The following CXorf58 variants were observed in gnomAD, a reference collection of about 807,000 sequenced individuals.
CXorf58 encodes the protein chromosome X open reading frame 58, also known as uncharacterized protein CXorf58.
Under a neutral mutation model 26.0 loss-of-function variants are expected in CXorf58, and 24 were observed. The ratio of observed to expected loss-of-function variants is 0.92; its 90% CI spans 0.67 to 1.30. The LOEUF (loss-of-function observed/expected upper bound fraction) is 1.30, where lower values mean the gene tolerates loss of function less well. Among genes scored for constraint, CXorf58 ranks in the 50% most tolerant of loss-of-function variants. The pLI is 0.00. For missense variants in CXorf58, 236 were observed against 263.9 expected (o/e 0.89, Z 0.73); for synonymous variants, 87 against 86.1 (o/e 1.01, Z -0.06).
chrX:23,932,604 G>A (rs774107528), intron 6 of CXorf58, among the ~76,000 whole-genome samples: 2 of 112,440 alleles, frequency 1.8e-5, no homozygotes, highest in East Asian at 5.6e-4. Context: ...CAGATTCACA[G>A]TGACCAGTCA....
chrX:23,939,180 A>T, intron 8 of CXorf58, 64 bp from the exon 9 acceptor site: 1 of 725,484 alleles, frequency 1.4e-6, no homozygotes, highest in Non-Finnish European at 2.1e-6. Flanking sequence ...GTCAAACATT[A>T]AAATATAAAG....
chrX:23,913,640 T>C (rs1160378371), intron 3 of CXorf58, among the ~76,000 whole-genome samples: 1 of 111,416 alleles, frequency 9.0e-6, no homozygotes, highest in Non-Finnish European at 1.9e-5. Flanking sequence ...ACACCTGTAA[T>C]CCCAGCGTGA....
At chrX:23,914,382 A>G (rs928842269) in intron 3 of CXorf58, among the ~76,000 whole-genome samples, 10 of 111,836 alleles carry the variant, frequency 8.9e-5, no homozygotes, top group African/African-American at 2.9e-4. Context: ...CGCAGTGCCC[A>G]GCCTAAAAGC....
At chrX:23,929,662 A>G (rs975352906) in intron 6 of CXorf58, among the ~76,000 whole-genome samples, 1 of 112,131 alleles carries the variant, frequency 8.9e-6, no homozygotes, top group African/African-American at 3.2e-5. Context: ...CAAGTTATCC[A>G]GAAGATCTCA....
At chrX:23,908,998 T>A (rs1927494503) in intron 1 of CXorf58, among the ~76,000 whole-genome samples, 2 of 111,881 alleles carry the variant, frequency 1.8e-5, no homozygotes, top group African/African-American at 6.5e-5. Flanking sequence ...GAAGCAGTGG[T>A]AACACCAAGG....
chrX:23,911,933 G>T, intron 3 of CXorf58, 77 bp downstream of exon 3: 2 of 657,884 alleles, frequency 3.0e-6, no homozygotes, highest in Non-Finnish European at 2.3e-6. Context: ...AGATCGAATA[G>T]ATAACCTTCT....
chrX:23,938,363 T>C (rs1465337461), intron 7 of CXorf58, among the ~76,000 whole-genome samples, 184 bp from the exon 8 acceptor site: 13 of 111,752 alleles, frequency 1.2e-4, no homozygotes, highest in Non-Finnish European at 7.5e-5. Flanking sequence ...GATAAAGAAC[T>C]GTGCTATGTA....
intron 5 of CXorf58, among the ~76,000 whole-genome samples, chrX:23,924,118 G>T (rs1927940132): frequency 9.0e-6 from 1 of 111,316 alleles, no homozygotes; most frequent in Admixed American, 9.6e-5. Flanking sequence ...TTCAGCTAAA[G>T]TAAATTATAG....
intron 3 of CXorf58, among the ~76,000 whole-genome samples, chrX:23,915,027 G>C (rs1355712065): frequency 9.2e-6 from 1 of 108,973 alleles, no homozygotes; most frequent in Non-Finnish European, 1.9e-5. Context: ...CCAGCTACTC[G>C]GGAGGCTGAG....
intron 5 of CXorf58, among the ~76,000 whole-genome samples, chrX:23,920,455 A>G (rs960575170): frequency 3.6e-5 from 4 of 112,174 alleles, no homozygotes; most frequent in African/African-American, 1.3e-4. Context: ...TGTATGCAGG[A>G]GAGAAGACCA....
chrX:23,939,460 C>T lies in CXorf58; in HGVS notation c.*157C>T, dbSNP rs1048533137. ...CAAAGTTGTTTAACAATCTGCTTGT[C>T]TGTCTATAAATAATGAGTATGTGTA... On this transcript the variant is annotated 3_prime_UTR_variant, in exon 9 of 9. Transcript: ENST00000379211. 2.4e-6 allele frequency: 1 copy of T among 411,720 alleles called. No homozygotes were observed. The highest frequency in any genetic ancestry group is 2.5e-5 in the African/African-American group (1 of 39,785). The allele number at this position is 411,720 out of a possible 1,213,427, so 33.9% of individuals were successfully genotyped here.
At chrX:23,926,307 C>A (rs1186986934) in intron 5 of CXorf58, among the ~76,000 whole-genome samples, 1 of 111,075 alleles carries the variant, frequency 9.0e-6, no homozygotes, top group Non-Finnish European at 1.9e-5. Context: ...AGGATTTGAG[C>A]TTCCATATAT....
At chrX:23,914,251 A>G (rs1224272579) in intron 3 of CXorf58, among the ~76,000 whole-genome samples, 1 of 109,532 alleles carries the variant, frequency 9.1e-6, no homozygotes, top group Non-Finnish European at 1.9e-5. Flanking sequence ...ACGCCTGGCT[A>G]ATTTTTGTAT....
intron 5 of CXorf58, among the ~76,000 whole-genome samples, chrX:23,924,352 C>G (rs1927948571): frequency 9.2e-6 from 1 of 108,610 alleles, no homozygotes. Context: ...GGTGGAGTCT[C>G]ACTCTGTCGC....
In CXorf58 at chrX:23,939,278, A is replaced by G; in HGVS notation, c.974A>G (p.Asn325Ser). 2 of 1,196,438 alleles carry G rather than the reference A, an allele frequency of 1.7e-6. No individual in the cohort carries two copies. The highest frequency in any genetic ancestry group is 1.1e-6 in the Non-Finnish European group (1 of 884,539). The change falls in exon 9 of 9, where the codon AAC (asparagine) becomes AGC (serine). Residue 325 changes from asparagine (N) to serine (S), a missense_variant. By Grantham distance (46) the Asn-to-Ser change is conservative. Transcript: ENST00000379211. ...ACGGGCCCATCAGGTACAAAGGATA[A>G]CTATCATCTCCACTCCATCTTTTGA... The part of the protein sequence containing the change: ...PKTGPSGTKD[N>S]YHLHSIF
intron 3 of CXorf58, 97 bp downstream of exon 3, chrX:23,911,953 CTTTTT>C (rs746350773): frequency 1.2e-4 from 51 of 443,473 alleles, no homozygotes; most frequent in East Asian, 2.9e-4. Flanking sequence ...TTTATCTCCT[CTTTTT>C]TTTTTTTTTT....
intron 3 of CXorf58, among the ~76,000 whole-genome samples, chrX:23,914,305 C>T (rs146048879): frequency 0.033 from 3,690 of 110,564 alleles, 165 homozygotes; most frequent in African/African-American, 0.12. Context: ...AGGTTGGTCT[C>T]GAACTCTTGA....
At chrX:23,916,486 C>G (rs761069571) in intron 5 of CXorf58, 158 bp downstream of exon 5, 66 of 218,825 alleles carry the variant, frequency 3.0e-4, no homozygotes, top group African/African-American at 2.2e-3. Flanking sequence ...TTCAAAGTGT[C>G]TCCACTTACT....
chrX:23,934,902 T>C (rs1171458820), intron 6 of CXorf58, among the ~76,000 whole-genome samples: 1 of 109,600 alleles, frequency 9.1e-6, no homozygotes, highest in Non-Finnish European at 1.9e-5. Context: ...AGTCACTCTG[T>C]CACCCAGGCT....
Sources: allele counts gnomAD v4.1 joint callset (sites outside exome capture counted in the v4.1 genomes callset), GRCh38; gene constraint gnomAD v4.1.1; transcripts MANE v1.5; gene names NCBI Gene and HGNC (gene_info 2026-07-23, HGNC 2026-07-21).